The following SNTG1 variants were observed in gnomAD, a reference collection of about 807,000 sequenced individuals.
The protein encoded by SNTG1 is syntrophin gamma 1.
Under a neutral mutation model 74.7 loss-of-function variants are expected in SNTG1, and 39 were observed. The ratio of observed to expected loss-of-function variants is 0.52; its 90% CI spans 0.40 to 0.68. SNTG1 has a LOEUF of 0.68. Ranked by LOEUF, SNTG1 falls within the 30% of genes least tolerant of loss-of-function variation. SNTG1 has a pLI of 0.00. For synonymous variants in SNTG1, 254 were observed against 217.1 expected (o/e 1.17, Z -1.49); for missense variants, 685 against 609.5 (o/e 1.12, Z -1.30).
intron 1 of SNTG1, among the ~76,000 whole-genome samples, chr8:49,938,577 C>CTTTTCTT (rs1808321180): frequency 3.9e-5 from 1 of 25,364 alleles, no homozygotes; most frequent in Non-Finnish European, 8.7e-5. Context: ...CTTTTCTTTT[C>CTTTTCTT]TTTTCTTTTC....
Position 50,315,976 on chromosome 8 carries a change from T to A in SNTG1, c.-27-78236T>A, listed in dbSNP as rs562042728. Among the ~76,000 whole-genome samples, 375 of 152,276 alleles carry A rather than the reference T, an allele frequency of 2.5e-3. 1 individual carries two copies. Among genetic ancestry groups the A allele is most frequent in the African/African-American group, 8.4e-3 (350 of 41,576 alleles). On this transcript the variant is annotated intron_variant, in intron 2 of 18. Coordinates refer to ENST00000642720, the MANE Select transcript of SNTG1 (RefSeq NM_018967.5). Reference sequence around the variant, plus strand: ...TCAAAAAAGAAAAATCTCTCAAATGTTTTTCCCCATTTTTTGATTCATATC... The same window carrying A: ...TCAAAAAAGAAAAATCTCTCAAATGATTTTCCCCATTTTTTGATTCATATC...
At chr8:50,564,769 A>G (rs2094506737) in intron 12 of SNTG1, among the ~76,000 whole-genome samples, 1 of 152,242 alleles carries the variant, frequency 6.6e-6, no homozygotes, top group South Asian at 2.1e-4. Flanking sequence ...TTTGCCTTAT[A>G]TCTTTGAAAA....
Position 50,314,666 on chromosome 8 carries a change from C to T in SNTG1, c.-27-79546C>T, listed in dbSNP as rs2090246489. Among the ~76,000 whole-genome samples, 2 of 150,086 alleles carry T rather than the reference C, an allele frequency of 1.3e-5. 1 individual carries two copies. The highest frequency in any genetic ancestry group is 5.0e-5 in the African/African-American group (2 of 40,320). On this transcript the variant is annotated intron_variant, in intron 2 of 18. Coordinates refer to ENST00000642720, the MANE Select transcript of SNTG1 (RefSeq NM_018967.5). ...GTGTCTTATCATTTCTAAAATCATGCTCTTCTTTATGTTATTTCATGAATC... is the reference window on the plus strand; with the variant it reads ...GTGTCTTATCATTTCTAAAATCATGTTCTTCTTTATGTTATTTCATGAATC...
At chr8:50,693,576 G>A (rs1398495808) in intron 15 of SNTG1, among the ~76,000 whole-genome samples, 1 of 152,096 alleles carries the variant, frequency 6.6e-6, no homozygotes, top group African/African-American at 2.4e-5. Context: ...AAATTAATAA[G>A]GAAATACTGG....
At chr8:50,363,787 C>T (rs1474006276) in intron 2 of SNTG1, among the ~76,000 whole-genome samples, 1 of 152,022 alleles carries the variant, frequency 6.6e-6, no homozygotes, top group Non-Finnish European at 1.5e-5. Context: ...GATACAATTC[C>T]TTTGGTAAGA....
At chr8:50,148,234 T>A (rs927793978) in intron 1 of SNTG1, among the ~76,000 whole-genome samples, 4 of 152,210 alleles carry the variant, frequency 2.6e-5, no homozygotes, top group South Asian at 2.1e-4. Context: ...AATATAAATA[T>A]ATGGCACAGG....
At chr8:50,237,964 A>T (rs967381080) in intron 2 of SNTG1, among the ~76,000 whole-genome samples, 1 of 152,112 alleles carries the variant, frequency 6.6e-6, no homozygotes, top group African/African-American at 2.4e-5. Flanking sequence ...AGAATGATAC[A>T]ACTTTTTGTT....
chr8:50,299,172 G>A (rs1293942133), intron 2 of SNTG1, among the ~76,000 whole-genome samples: 2 of 152,004 alleles, frequency 1.3e-5, no homozygotes, highest in Non-Finnish European at 2.9e-5. Flanking sequence ...AGATTTAAGG[G>A]TACCATGAGA....
At chr8:50,456,446 GC>G (rs2131654353) in intron 8 of SNTG1, among the ~76,000 whole-genome samples, 1 of 152,072 alleles carries the variant, frequency 6.6e-6, no homozygotes. Flanking sequence ...GCACCAACAG[GC>G]TTGGAGTGCA....
At chr8:50,509,990 G>A (rs1004521972) in intron 9 of SNTG1, among the ~76,000 whole-genome samples, 1 of 152,134 alleles carries the variant, frequency 6.6e-6, no homozygotes, top group Non-Finnish European at 1.5e-5. Context: ...CCTGTCTTGT[G>A]CCAGTATTCA....
chr8:50,363,374 C>T (rs1245976326), intron 2 of SNTG1, among the ~76,000 whole-genome samples: 1 of 152,086 alleles, frequency 6.6e-6, no homozygotes, highest in Non-Finnish European at 1.5e-5. Context: ...CAGGTAGTGG[C>T]AGTGGTGGCC....
chr8:50,499,268 G>A (rs76789933), intron 8 of SNTG1, among the ~76,000 whole-genome samples: 3,706 of 151,754 alleles, frequency 0.024, 139 homozygotes, highest in African/African-American at 0.081. Flanking sequence ...TACTACTTTT[G>A]TTAGATTGAT....
At chr8:50,568,147 T>C (rs2094526316) in intron 12 of SNTG1, among the ~76,000 whole-genome samples, 1 of 152,014 alleles carries the variant, frequency 6.6e-6, no homozygotes, top group African/African-American at 2.4e-5. Flanking sequence ...TAATACATTG[T>C]CCTTCAGGTT....
chr8:50,528,273 GTT>G (rs1375239536), intron 9 of SNTG1, among the ~76,000 whole-genome samples: 5 of 151,898 alleles, frequency 3.3e-5, no homozygotes, highest in Non-Finnish European at 5.9e-5. Context: ...TCGGATATAG[GTT>G]TTTAAAGATG....
At chr8:50,313,199 C>T (rs1250743007) in intron 2 of SNTG1, among the ~76,000 whole-genome samples, 1 of 149,688 alleles carries the variant, frequency 6.7e-6, no homozygotes, top group Non-Finnish European at 1.5e-5. Context: ...AGATCTGAAA[C>T]TATAAAATAA....
At chr8:50,663,146 G>A (rs1268107510) in intron 15 of SNTG1, among the ~76,000 whole-genome samples, 1 of 152,132 alleles carries the variant, frequency 6.6e-6, no homozygotes, top group African/African-American at 2.4e-5. Context: ...AAGGAATAAT[G>A]TATAAACTTG....
chr8:50,695,994 T>C (rs558795435), intron 15 of SNTG1, among the ~76,000 whole-genome samples: 7 of 152,142 alleles, frequency 4.6e-5, no homozygotes, highest in Admixed American at 1.3e-4. Context: ...GTAGTGGAAT[T>C]GCTAGATTGA....
At chr8:50,253,753 C>T (rs1267741101) in intron 2 of SNTG1, among the ~76,000 whole-genome samples, 1 of 151,632 alleles carries the variant, frequency 6.6e-6, no homozygotes, top group African/African-American at 2.4e-5. Context: ...AGAATGAAAT[C>T]TTACCATTTG....
intron 2 of SNTG1, among the ~76,000 whole-genome samples, chr8:50,218,760 T>C (rs577527438): frequency 1.3e-5 from 2 of 152,322 alleles, no homozygotes; most frequent in Admixed American, 1.3e-4. Context: ...CCAAATAGCC[T>C]TTGTAATACA....
Sources: gnomAD v4.1 joint callset for allele counts (sites outside exome capture counted in the v4.1 genomes callset) on GRCh38, gnomAD v4.1.1 for gene constraint, MANE v1.5 for transcripts, NCBI Gene and HGNC (gene_info 2026-07-23, HGNC 2026-07-21) for gene names.